SLC25A26: variants seen among roughly 807,000 people sequenced by gnomAD.
SLC25A26 encodes mitochondrial S-adenosylmethionine carrier protein.
A neutral mutation model predicts 37.8 loss-of-function variants in SLC25A26; 36 were observed. The ratio of observed to expected loss-of-function variants is 0.95; its 90% CI spans 0.73 to 1.26. The LOEUF (loss-of-function observed/expected upper bound fraction) is 1.26. Among genes scored for constraint, SLC25A26 ranks in the 50% most tolerant of loss-of-function variants. The pLI, the probability that SLC25A26 is intolerant of heterozygous loss-of-function variation, is 0.00. For synonymous variants in SLC25A26, 129 were observed against 122.5 expected, an observed-to-expected ratio of 1.05 and a Z score of -0.35; for missense variants, 390 against 331.1, an observed-to-expected ratio of 1.18 and a Z score of -1.38.
chr3:66,259,204 T>A (rs1037367761), intron 3 of SLC25A26, among the ~76,000 whole-genome samples: 7 of 152,226 alleles, frequency 4.6e-5, no homozygotes, highest in Admixed American at 3.9e-4. Context: ...ATGTACCGCC[T>A]TCCAGTGTTG....
chr3:66,239,689 A>T (rs181879317), intron 2 of SLC25A26, among the ~76,000 whole-genome samples: 2 of 152,266 alleles, frequency 1.3e-5, no homozygotes, highest in Admixed American at 1.3e-4. Flanking sequence ...TGCCTTTATT[A>T]TAGCAACCCT....
At chr3:66,223,910 T>C (rs1553659553) in intron 1 of SLC25A26, among the ~76,000 whole-genome samples, 1 of 152,172 alleles carries the variant, frequency 6.6e-6, no homozygotes, top group Non-Finnish European at 1.5e-5. Context: ...AACCTAAAGA[T>C]ATTTATATAA....
At chr3:66,247,107 G>A (rs1013532930) in intron 3 of SLC25A26, among the ~76,000 whole-genome samples, 13 of 151,794 alleles carry the variant, frequency 8.6e-5, no homozygotes, top group Admixed American at 5.3e-4. Context: ...TTCGTGATCC[G>A]CCCACCTCAG....
intron 6 of SLC25A26, among the ~76,000 whole-genome samples, chr3:66,346,934 C>G (rs1202123847): frequency 6.6e-6 from 1 of 152,032 alleles, no homozygotes. Flanking sequence ...GTTGCTCACT[C>G]CAGCCAGGAC....
intron 6 of SLC25A26, among the ~76,000 whole-genome samples, chr3:66,349,179 T>A (rs1018686283): frequency 1.3e-5 from 2 of 152,256 alleles, no homozygotes; most frequent in African/African-American, 4.8e-5. Flanking sequence ...ATGACAATGC[T>A]AAGATTTAAA....
chr3:66,173,246 TG>T (rs2070526378), intron 1 of SLC25A26, among the ~76,000 whole-genome samples: 2 of 152,146 alleles, frequency 1.3e-5, no homozygotes, highest in South Asian at 4.1e-4. Context: ...GTCTGGGGAT[TG>T]GAAGATTCAG....
chr3:66,179,141 G>C (rs537418554), intron 1 of SLC25A26, among the ~76,000 whole-genome samples: 2 of 152,102 alleles, frequency 1.3e-5, no homozygotes, highest in Non-Finnish European at 2.9e-5. Flanking sequence ...TCTCTCTTAC[G>C]CGTTTTAAAG....
chr3:66,271,828 T>C (rs1236138856), intron 5 of SLC25A26, among the ~76,000 whole-genome samples: 2 of 150,032 alleles, frequency 1.3e-5, no homozygotes, highest in East Asian at 3.9e-4. Context: ...GTACCACTAT[T>C]TTTTTTTTTG....
rs183982815 is a variant in SLC25A26, at chr3:66,377,468, T to A, written c.708-222T>A. ...AGGATTCAGCTCTTTAACACCTTTT[T>A]AAAAAAAATCAATTTCATGTTTCAA... On this transcript the variant is annotated intron_variant, in intron 9 of 9. Coordinates refer to ENST00000354883, the MANE Select transcript of SLC25A26 (RefSeq NM_001379210.1). 1.3e-3 allele frequency among the ~76,000 whole-genome samples: 193 copies of A among 151,734 alleles called. 1 individual carries two copies. Among genetic ancestry groups the A allele is most frequent in the Non-Finnish European group, 2.0e-3 (133 of 67,904 alleles).
intron 5 of SLC25A26, among the ~76,000 whole-genome samples, chr3:66,277,069 A>T (rs557150523): frequency 6.6e-6 from 1 of 152,110 alleles, no homozygotes; most frequent in South Asian, 2.1e-4. Context: ...ACATATGTAC[A>T]TGGAGTTGTA....
intron 5 of SLC25A26, 65 bp from the exon 6 acceptor site, chr3:66,346,299 T>G: frequency 2.7e-6 from 2 of 747,852 alleles, no homozygotes; most frequent in Non-Finnish European, 4.4e-6. Flanking sequence ...CAGGCTCGTA[T>G]AGTCATACAG....
intron 7 of SLC25A26, among the ~76,000 whole-genome samples, chr3:66,369,248 C>T (rs769458782): frequency 6.6e-5 from 10 of 152,136 alleles, no homozygotes; most frequent in African/African-American, 1.9e-4. Flanking sequence ...ATTGTGGAGC[C>T]TTGTATTTTT....
chr3:66,275,142 A>C (rs1225787474), intron 5 of SLC25A26, among the ~76,000 whole-genome samples: 1 of 151,548 alleles, frequency 6.6e-6, no homozygotes, highest in Non-Finnish European at 1.5e-5. Flanking sequence ...TCAGTAAACT[A>C]TCGCAAGGAC....
At chr3:66,265,430 A>G (rs992795260) in intron 5 of SLC25A26, among the ~76,000 whole-genome samples, 5 of 152,250 alleles carry the variant, frequency 3.3e-5, no homozygotes, top group African/African-American at 1.2e-4. Context: ...GTGAGATATA[A>G]GAGAAGTCTG....
intron 4 of SLC25A26, among the ~76,000 whole-genome samples, chr3:66,262,663 T>A (rs1379483019): frequency 1.3e-5 from 2 of 152,184 alleles, no homozygotes; most frequent in African/African-American, 2.4e-5. Context: ...AGCCTTTTTT[T>A]AAAAAGACAT....
At chr3:66,134,533 G>A (rs1331294663) in intron 1 of SLC25A26, among the ~76,000 whole-genome samples, 4 of 152,168 alleles carry the variant, frequency 2.6e-5, no homozygotes, top group South Asian at 2.1e-4. Context: ...TTTGAGTCAC[G>A]ATGAAATTAA....
Position 66,221,079 on chromosome 3 carries a change from C to T in SLC25A26, c.-16C>T, listed in dbSNP as rs782014366. The T allele has an allele frequency of 4.9e-5, 75 of 1,534,890 alleles. No homozygotes were observed. Among genetic ancestry groups the T allele is most frequent in the Non-Finnish European group, 6.3e-5 (72 of 1,145,776 alleles). Reference sequence around the variant, plus strand: ...GCTCCGGCTTGGATTGTAGCCTTGACGAGGTCTGAGCGACCATGGACCGGC... The same window carrying T: ...GCTCCGGCTTGGATTGTAGCCTTGATGAGGTCTGAGCGACCATGGACCGGC... On this transcript the variant is annotated 5_prime_UTR_variant, in exon 1 of 10. It adds an upstream start codon to the 5' untranslated region. Transcript: ENST00000354883.
At chr3:66,218,308 A>C (rs2071392012), upstream of SLC25A26, among the ~76,000 whole-genome samples, 2 of 152,234 alleles carry the variant, frequency 1.3e-5, no homozygotes, top group Non-Finnish European at 2.9e-5. Context: ...ATAATGTAAA[A>C]GTATTTGTAT....
chr3:66,198,434 A>G (rs1235782416), intron 1 of SLC25A26, among the ~76,000 whole-genome samples: 7 of 151,932 alleles, frequency 4.6e-5, no homozygotes, highest in African/African-American at 1.7e-4. Context: ...TGTGCGTCTG[A>G]CCTTCATAGT....
Sources: gnomAD v4.1 joint callset for allele counts (sites outside exome capture counted in the v4.1 genomes callset) on GRCh38, gnomAD v4.1.1 for gene constraint, MANE v1.5 for transcripts, NCBI Gene and HGNC (gene_info 2026-07-23, HGNC 2026-07-21) for gene names.